XNDC1N: variants seen among roughly 807,000 people sequenced by gnomAD.
XNDC1N encodes the protein protein XNDC1N.
At chr11:71,917,961 A>G in the XNDC1N span, among the ~76,000 whole-genome samples, 1 of 152,204 alleles carries the variant, frequency 6.6e-6, no homozygotes, top group African/African-American at 2.4e-5. Flanking sequence ...CCAAATACCA[A>G]TGTCACACGT....
chr11:71,924,406 C>T, the XNDC1N span, among the ~76,000 whole-genome samples: 2 of 151,878 alleles, frequency 1.3e-5, no homozygotes, highest in East Asian at 1.9e-4. Context: ...GGACCGGGCG[C>T]GGTGGCTTAT....
At chr11:71,892,642 C>T in the XNDC1N span, among the ~76,000 whole-genome samples, 2 of 152,138 alleles carry the variant, frequency 1.3e-5, no homozygotes, top group Non-Finnish European at 2.9e-5. Flanking sequence ...CTGCTTCAGC[C>T]TCCTGAGTAG....
the XNDC1N span, chr11:71,928,507 T>A: frequency 1.4e-6 from 1 of 702,572 alleles, no homozygotes; most frequent in South Asian, 1.5e-5. Context: ...GAATGCGTTC[T>A]GGGGCTTCAA....
the XNDC1N span, among the ~76,000 whole-genome samples, chr11:71,908,555 G>A: frequency 1.2e-4 from 19 of 152,146 alleles, no homozygotes; most frequent in African/African-American, 2.4e-4. Context: ...AGAGAGCAGC[G>A]ATATACTGGG....
At chr11:71,911,081 C>T in the XNDC1N span, among the ~76,000 whole-genome samples, 17 of 152,326 alleles carry the variant, frequency 1.1e-4, no homozygotes, top group African/African-American at 4.1e-4. Flanking sequence ...AACAACTGGA[C>T]GGGGTTTCTA....
At chr11:71,904,961 T>C in the XNDC1N span, among the ~76,000 whole-genome samples, 6 of 151,882 alleles carry the variant, frequency 4.0e-5, no homozygotes, top group Admixed American at 2.6e-4. Context: ...CGTGTGACAT[T>C]AGGAGTAACA....
chr11:71,884,848 C>G, the XNDC1N span, among the ~76,000 whole-genome samples: 1 of 147,728 alleles, frequency 6.8e-6, no homozygotes, highest in Non-Finnish European at 1.5e-5. Context: ...GCTCTTAGAA[C>G]CCCTATCGCA....
chr11:71,893,591 G>A, the XNDC1N span: 1 of 1,041,768 alleles, frequency 9.6e-7, no homozygotes. Flanking sequence ...ATGGTGCTGA[G>A]GAACCTGCTC....
At chr11:71,906,866 CAG>C in the XNDC1N span, among the ~76,000 whole-genome samples, 2 of 152,078 alleles carry the variant, frequency 1.3e-5, no homozygotes, top group African/African-American at 4.8e-5. Context: ...GATAATATCA[CAG>C]AGTGTACACC....
chr11:71,884,660 T>C, the XNDC1N span: 1 of 1,427,246 alleles, frequency 7.0e-7, no homozygotes, highest in East Asian at 2.5e-5. Flanking sequence ...ATTATTATAA[T>C]TGCATGTTTA....
At chr11:71,872,258 C>T in the XNDC1N span, among the ~76,000 whole-genome samples, 1 of 152,174 alleles carries the variant, frequency 6.6e-6, no homozygotes, top group South Asian at 2.1e-4. Context: ...AGACCTTTAG[C>T]CAAAAGCACC....
chr11:71,927,962 C>T, the XNDC1N span: 1 of 155,054 alleles, frequency 6.4e-6, no homozygotes, highest in African/African-American at 2.4e-5. Context: ...GTTCCATTCA[C>T]CAGACAGATC....
At chr11:71,902,137 C>T in the XNDC1N span, among the ~76,000 whole-genome samples, 3 of 152,134 alleles carry the variant, frequency 2.0e-5, no homozygotes, top group Admixed American at 6.5e-5. Flanking sequence ...ATTGACACTT[C>T]CTTGCTTCAC....
the XNDC1N span, among the ~76,000 whole-genome samples, chr11:71,867,344 C>T: frequency 5.3e-5 from 8 of 152,184 alleles, no homozygotes; most frequent in African/African-American, 1.9e-4. Flanking sequence ...TTTGTGGGAA[C>T]ATCAGGACCC....
At chr11:71,917,258 C>T in the XNDC1N span, 2 of 670,938 alleles carry the variant, frequency 3.0e-6, no homozygotes, top group African/African-American at 3.5e-5. Flanking sequence ...AGATGATCCA[C>T]TTGTCCCAGT....
At chr11:71,906,041 C>G in the XNDC1N span, among the ~76,000 whole-genome samples, 1 of 151,654 alleles carries the variant, frequency 6.6e-6, no homozygotes, top group Non-Finnish European at 1.5e-5. Context: ...CACAATATTA[C>G]TAATAATATC....
the XNDC1N span, among the ~76,000 whole-genome samples, chr11:71,895,373 G>A: frequency 2.1e-3 from 318 of 151,494 alleles, no homozygotes; most frequent in Non-Finnish European, 3.1e-3. Context: ...TCAATGGCAC[G>A]GTCTCGGCTC....
the XNDC1N span, among the ~76,000 whole-genome samples, chr11:71,908,906 G>C: frequency 6.6e-6 from 1 of 152,160 alleles, no homozygotes; most frequent in Non-Finnish European, 1.5e-5. Flanking sequence ...ATGAAAGAGG[G>C]GATATGCAAA....
chr11:71,884,315 T>G, the XNDC1N span: 1 of 1,348,758 alleles, frequency 7.4e-7, no homozygotes, highest in African/African-American at 1.5e-5. Flanking sequence ...GAAAGTTCTG[T>G]AATGCTTTTA....
Sources: allele counts gnomAD v4.1 joint callset (sites outside exome capture counted in the v4.1 genomes callset), GRCh38; gene constraint gnomAD v4.1.1; transcripts MANE v1.5; gene names NCBI Gene and HGNC (gene_info 2026-07-23, HGNC 2026-07-21).